Variants in COX7B2 observed in about 807,000 individuals in gnomAD.
COX7B2 encodes the protein cytochrome c oxidase subunit 7B2, mitochondrial.
For missense variants in COX7B2, 109 were observed against 95.9 expected (o/e 1.14, Z -0.57); for synonymous variants, 37 against 32.1 (o/e 1.15, Z -0.51).
At chr4:46,737,123 A>G (rs543842681) in intron 2 of COX7B2, among the ~76,000 whole-genome samples, 4 of 152,026 alleles carry the variant, frequency 2.6e-5, no homozygotes, top group Non-Finnish European at 5.9e-5. Context: ...TGATGTTGTT[A>G]GTGTTCTGGA....
In COX7B2 at chr4:46,793,057, T is replaced by C. The variant is rs191735021; in HGVS notation, c.-50+51903A>G. Among the ~76,000 whole-genome samples the C allele has an allele frequency of 1.2e-3, 187 of 152,358 alleles. 1 individual carries two copies. The highest frequency in any genetic ancestry group is 4.3e-3 in the African/African-American group (177 of 41,588). Reference sequence around the variant, plus strand: ...TTGGCAGTCAAAGACAGGTTTTCTTTAGTTAAAACCTAAGAGGCGCTCCTG... The same window carrying C: ...TTGGCAGTCAAAGACAGGTTTTCTTCAGTTAAAACCTAAGAGGCGCTCCTG... On this transcript the variant is annotated intron_variant, in intron 2 of 2. Transcript: ENST00000355591.
In COX7B2 at chr4:46,805,180, C is replaced by A. The variant is rs111234680; in HGVS notation, c.-50+39780G>T. Among the ~76,000 whole-genome samples the A allele has an allele frequency of 3.5e-3, 538 of 152,326 alleles. 6 individuals are homozygous for A. The highest frequency in any genetic ancestry group is 0.012 in the African/African-American group (504 of 41,586). On this transcript the variant is annotated intron_variant, in intron 2 of 2. Coordinates refer to ENST00000355591, the MANE Select transcript of COX7B2 (RefSeq NM_130902.3). ...TCCCACCCATGCCTCTCCCTCCACACCTCCTCGCAGGCTGAGGGAGCCGGC... is the reference window on the plus strand; with the variant it reads ...TCCCACCCATGCCTCTCCCTCCACAACTCCTCGCAGGCTGAGGGAGCCGGC...
chr4:46,896,165 T>A (rs879347715), intron 1 of COX7B2, among the ~76,000 whole-genome samples: 1 of 152,222 alleles, frequency 6.6e-6, no homozygotes, highest in African/African-American at 2.4e-5. Context: ...TACCTGAGTA[T>A]AAACTCATAT....
intron 2 of COX7B2, among the ~76,000 whole-genome samples, chr4:46,824,654 T>TAA (rs34090448): frequency 9.8e-4 from 127 of 130,248 alleles, no homozygotes; most frequent in South Asian, 6.9e-3. Flanking sequence ...ACTGTTTGTG[T>TAA]AAAAAAAAAA....
chr4:46,767,958 T>C (rs1716643041), intron 2 of COX7B2, among the ~76,000 whole-genome samples: 1 of 152,254 alleles, frequency 6.6e-6, no homozygotes, highest in East Asian at 1.9e-4. Context: ...GGTGAGCATG[T>C]GCAAGGGCTG....
At chr4:46,870,051 T>C (rs769767407) in intron 1 of COX7B2, among the ~76,000 whole-genome samples, 11 of 152,132 alleles carry the variant, frequency 7.2e-5, no homozygotes, top group Non-Finnish European at 1.0e-4. Context: ...ATCCCATACT[T>C]GGAGGTTTTA....
At chr4:46,819,437 CA>C (rs1714112716) in intron 2 of COX7B2, among the ~76,000 whole-genome samples, 1 of 151,412 alleles carries the variant, frequency 6.6e-6, no homozygotes, top group Admixed American at 6.6e-5. Context: ...AAAGTTAAAT[CA>C]GGGGTGTCCA....
chr4:46,821,325 T>C (rs1251033803), intron 2 of COX7B2, among the ~76,000 whole-genome samples: 3 of 152,258 alleles, frequency 2.0e-5, no homozygotes, highest in Non-Finnish European at 4.4e-5. Flanking sequence ...CAGAAGAAAA[T>C]ATGGACTCTA....
intron 2 of COX7B2, among the ~76,000 whole-genome samples, chr4:46,831,405 A>T (rs74203227): frequency 6.6e-6 from 1 of 151,858 alleles, no homozygotes; most frequent in South Asian, 2.1e-4. Flanking sequence ...ACCCTGTCCC[A>T]TCGACCACCC....
chr4:46,894,905 G>C (rs578179321), intron 1 of COX7B2, among the ~76,000 whole-genome samples: 1 of 152,198 alleles, frequency 6.6e-6, no homozygotes, highest in Non-Finnish European at 1.5e-5. Flanking sequence ...GATCATTAGA[G>C]AAATGCAAAT....
chr4:46,788,439 A>G (rs1470960386), intron 2 of COX7B2, among the ~76,000 whole-genome samples: 1 of 152,176 alleles, frequency 6.6e-6, no homozygotes, highest in African/African-American at 2.4e-5. Context: ...ATTTTTTAAC[A>G]GCTAGGGGTC....
At chr4:46,761,869 A>T (rs1291759543) in intron 2 of COX7B2, among the ~76,000 whole-genome samples, 5 of 151,968 alleles carry the variant, frequency 3.3e-5, no homozygotes, top group African/African-American at 1.2e-4. Flanking sequence ...TCCACCGTCC[A>T]TTAAGGCATC....
chr4:46,790,674 T>C (rs1717993573), intron 2 of COX7B2, among the ~76,000 whole-genome samples: 1 of 152,184 alleles, frequency 6.6e-6, no homozygotes, highest in Non-Finnish European at 1.5e-5. Context: ...CATATCCACC[T>C]GGACTTTAGT....
intron 1 of COX7B2, among the ~76,000 whole-genome samples, chr4:46,853,000 T>A (rs73142980): frequency 6.6e-6 from 1 of 152,188 alleles, no homozygotes; most frequent in Non-Finnish European, 1.5e-5. Context: ...TAGGCATACA[T>A]TATAGTGCTG....
chr4:46,751,136 T>C (rs2109430975), intron 2 of COX7B2, among the ~76,000 whole-genome samples: 1 of 68,022 alleles, frequency 1.5e-5, no homozygotes, highest in South Asian at 7.7e-4. Context: ...TTCCCAAAGA[T>C]TTTTTTTTTA....
chr4:46,804,623 C>A (rs1577724897), intron 2 of COX7B2, among the ~76,000 whole-genome samples: 1 of 152,330 alleles, frequency 6.6e-6, no homozygotes, highest in East Asian at 1.9e-4. Flanking sequence ...CATTCACAAA[C>A]CCTGAGCTAG....
At chr4:46,762,291 AATAT>A (rs983006364) in intron 2 of COX7B2, among the ~76,000 whole-genome samples, 1 of 72,820 alleles carries the variant, frequency 1.4e-5, no homozygotes, top group Non-Finnish European at 3.0e-5. Context: ...ACATATATAA[AATAT>A]ATATAGTGTT....
At chr4:46,742,330 T>TA (rs200876129) in intron 2 of COX7B2, among the ~76,000 whole-genome samples, 6 of 151,744 alleles carry the variant, frequency 4.0e-5, no homozygotes, top group Admixed American at 1.3e-4. Context: ...TAAGAAACAA[T>TA]AAAAAAAAGC....
chr4:46,893,048 T>C (rs1189024704), intron 1 of COX7B2, among the ~76,000 whole-genome samples: 1 of 152,194 alleles, frequency 6.6e-6, no homozygotes, highest in Non-Finnish European at 1.5e-5. Context: ...TAAGGAACTG[T>C]GAGTCAATTA....
Sources: gnomAD v4.1 joint callset for allele counts (sites outside exome capture counted in the v4.1 genomes callset) on GRCh38, gnomAD v4.1.1 for gene constraint, MANE v1.5 for transcripts, NCBI Gene and HGNC (gene_info 2026-07-23, HGNC 2026-07-21) for gene names.